The following VIPR2 variants were observed in gnomAD, a reference collection of about 807,000 sequenced individuals.
The protein encoded by VIPR2 is vasoactive intestinal peptide receptor 2, also known as vasoactive intestinal polypeptide receptor 2.
In VIPR2, 48 loss-of-function variants were observed where a neutral mutation model predicts 58.0. The ratio of observed to expected loss-of-function variants is 0.83; its 90% confidence interval spans 0.66 to 1.05. VIPR2 has a LOEUF of 1.05. Among genes scored for constraint, VIPR2 ranks in the 50% least tolerant of loss-of-function variants. The pLI, the probability that VIPR2 is intolerant of heterozygous loss-of-function variation, is 0.00. For synonymous variants in VIPR2, 243 were observed against 235.2 expected (o/e 1.03, Z -0.30); for missense variants, 534 against 558.0 (o/e 0.96, Z 0.43).
intron 2 of VIPR2, among the ~76,000 whole-genome samples, chr7:159,141,962 C>A (rs981656818): frequency 6.6e-6 from 1 of 152,188 alleles, no homozygotes; most frequent in African/African-American, 2.4e-5. Context: ...CCGGAGAAGG[C>A]GATCTGCACG....
chr7:159,054,000 G>T (rs1322099568), intron 5 of VIPR2, among the ~76,000 whole-genome samples: 2 of 152,214 alleles, frequency 1.3e-5, no homozygotes, highest in African/African-American at 4.8e-5. Flanking sequence ...TAAAGGCAGG[G>T]TAATTATAAT....
chr7:159,058,346 A>C (rs2129493998), intron 5 of VIPR2, 135 bp downstream of exon 5: 1 of 703,256 alleles, frequency 1.4e-6, no homozygotes, highest in African/African-American at 1.8e-5. Context: ...CATCATATTT[A>C]ATGGCAGCAT....
chr7:159,116,409 C>T (rs189333896), intron 2 of VIPR2, among the ~76,000 whole-genome samples: 119 of 152,180 alleles, frequency 7.8e-4, no homozygotes, highest in African/African-American at 2.6e-3. Flanking sequence ...GGTCAGTGCC[C>T]GCATGGTCAG....
chr7:159,114,555 A>G (rs995219101), intron 2 of VIPR2, among the ~76,000 whole-genome samples: 2 of 152,174 alleles, frequency 1.3e-5, no homozygotes, highest in African/African-American at 4.8e-5. Flanking sequence ...TACTTGGTAA[A>G]ATTCAGTGGC....
In VIPR2 at chr7:159,097,696, C is replaced by A. The variant is rs796791009; in HGVS notation, c.357+6061G>T. Reference sequence around the variant, plus strand: ...ACGTATGCTTTTCAGTGCCTTGTTTCAAGAAACAGGCTTGAAGAGGCACCT... The same window carrying A: ...ACGTATGCTTTTCAGTGCCTTGTTTAAAGAAACAGGCTTGAAGAGGCACCT... On this transcript the variant is annotated intron_variant, in intron 4 of 12. Transcript: ENST00000262178. This position sits in a 1 kb window ranked among gnomAD's most constrained non-coding sequence, Gnocchi z 5.3. Among the ~76,000 whole-genome samples, 12 of 152,324 alleles carry A rather than the reference C, an allele frequency of 7.9e-5. No individual in the cohort carries two copies. Among genetic ancestry groups the A allele is most frequent in the African/African-American group, 2.9e-4 (12 of 41,568 alleles).
At chr7:159,036,635 T>C (rs974007594) in intron 7 of VIPR2, 117 bp downstream of exon 7, 4 of 1,293,926 alleles carry the variant, frequency 3.1e-6, no homozygotes, top group African/African-American at 3.0e-5. Flanking sequence ...CTTCATGATA[T>C]GACCCTGACA....
intron 5 of VIPR2, among the ~76,000 whole-genome samples, chr7:159,049,606 A>G (rs1419598912): frequency 3.3e-5 from 5 of 152,242 alleles, no homozygotes; most frequent in Non-Finnish European, 5.9e-5. Context: ...CAGGAAAGGA[A>G]ATAGAGGCTG....
At chr7:159,113,417 T>C (rs1350974056) in intron 2 of VIPR2, among the ~76,000 whole-genome samples, 2 of 152,048 alleles carry the variant, frequency 1.3e-5, no homozygotes, top group East Asian at 1.9e-4. Context: ...GGGACAAAAA[T>C]TGTGCACCTG....
chr7:159,093,354 C>T lies in VIPR2; in HGVS notation c.357+10403G>A, dbSNP rs375518856. Among the ~76,000 whole-genome samples, 2 of 152,158 alleles carry T rather than the reference C, an allele frequency of 1.3e-5. No homozygotes were observed. The highest frequency in any genetic ancestry group is 2.9e-5 in the Non-Finnish European group (2 of 68,038). Reference sequence around the variant, plus strand: ...AGGGAAATGGGAAACTCAGACCAACCGTGTTTTAAGAAGCGTCCTTTAGTA... The same window carrying T: ...AGGGAAATGGGAAACTCAGACCAACTGTGTTTTAAGAAGCGTCCTTTAGTA... On this transcript the variant is annotated intron_variant, in intron 4 of 12. Coordinates refer to ENST00000262178, the MANE Select transcript of VIPR2 (RefSeq NM_003382.5). The surrounding 1 kb of genome is among the most constrained non-coding windows in gnomAD (Gnocchi z 6.7).
intron 4 of VIPR2, among the ~76,000 whole-genome samples, chr7:159,086,640 C>G (rs1385593896): frequency 1.3e-5 from 2 of 152,234 alleles, no homozygotes; most frequent in African/African-American, 4.8e-5. Context: ...CATGGGCCAC[C>G]TGGGTGTGAC....
chr7:159,119,357 G>A (rs1467505526), intron 2 of VIPR2, among the ~76,000 whole-genome samples: 1 of 152,214 alleles, frequency 6.6e-6, no homozygotes, highest in Non-Finnish European at 1.5e-5. Context: ...GGTAGAGCTG[G>A]GTGCACGGGG....
At position 159,109,855 on chromosome 7, in the gene VIPR2, C is replaced by T. The variant is rs199793974; in HGVS notation, c.216G>A (p.Thr72=). ...WRPANVGETV[T]VPCPKVFSNF... ...TGCTGAAGACTTTTGGGCAGGGCAC[C>T]GTGACGGTCTCTCCCACATTGGCAG... The change falls in exon 3 of 13, where the codon ACG becomes ACA. Residue 72 remains threonine (T), a synonymous_variant. Transcript: ENST00000262178. The T allele has an allele frequency of 5.1e-4, 828 of 1,614,176 alleles. 4 individuals carry two copies. The highest frequency in any genetic ancestry group is 4.4e-3 in the South Asian group (398 of 91,082).
In VIPR2 at chr7:159,098,251, C is replaced by A. The variant is rs1857986007; in HGVS notation, c.357+5506G>T. On this transcript the variant is annotated intron_variant, in intron 4 of 12. Coordinates refer to ENST00000262178, the MANE Select transcript of VIPR2 (RefSeq NM_003382.5). The surrounding 1 kb of genome is among the most constrained non-coding windows in gnomAD (Gnocchi z 5.2). The stretch of plus-strand genomic sequence containing the variant: ...CCCAGCACACGGCTCGGGGAGCCTC[C>A]CACACTTGGTGATCCCGAGCCCTCA... 6.6e-6 allele frequency among the ~76,000 whole-genome samples: 1 copy of A among 152,174 alleles called. No homozygotes were observed. The highest frequency in any genetic ancestry group is 1.5e-5 in the Non-Finnish European group (1 of 68,014).
intron 2 of VIPR2, among the ~76,000 whole-genome samples, chr7:159,140,409 C>T (rs1797415915): frequency 6.6e-6 from 1 of 152,190 alleles, no homozygotes; most frequent in Non-Finnish European, 1.5e-5. Flanking sequence ...TATTTACATC[C>T]CTGGCATTTG....
intron 4 of VIPR2, among the ~76,000 whole-genome samples, chr7:159,071,978 A>G (rs1358896060): frequency 1.4e-5 from 2 of 143,914 alleles, no homozygotes; most frequent in African/African-American, 5.2e-5. Flanking sequence ...GGAACCCTGC[A>G]GCACCTGCTG....
chr7:159,083,863 A>AG (rs910616278), intron 4 of VIPR2, among the ~76,000 whole-genome samples: 3 of 152,250 alleles, frequency 2.0e-5, no homozygotes, highest in African/African-American at 7.2e-5. Flanking sequence ...GGGCTAGGCC[A>AG]GGGGGCTCCT....
At chr7:159,066,410 A>G (rs777136369) in intron 4 of VIPR2, among the ~76,000 whole-genome samples, 99 of 125,824 alleles carry the variant, frequency 7.9e-4, no homozygotes, top group African/African-American at 2.9e-3. Context: ...GCAGCGTCCA[A>G]GGGATTCCAG....
intron 2 of VIPR2, among the ~76,000 whole-genome samples, chr7:159,133,515 A>G (rs1797073210): frequency 6.6e-6 from 1 of 152,296 alleles, no homozygotes; most frequent in African/African-American, 2.4e-5. Context: ...ATGTATTAAC[A>G]AAAGACTTTG....
Position 159,034,627 on chromosome 7 carries a change from C to T in VIPR2, c.833G>A (p.Ser278Asn). 3 of 1,614,044 alleles carry T rather than the reference C, an allele frequency of 1.9e-6. No homozygotes were observed. The highest frequency in any genetic ancestry group is 2.2e-5 in the East Asian group (1 of 44,866). Residue 278 changes from serine to asparagine, a missense_variant, in exon 9 of 13, where the codon AGT becomes AAT. Ser to Asn is a conservative substitution (Grantham distance 46). Around this residue, in one of 3 missense-constraint regions of VIPR2, gnomAD observed 306 missense variants for 285.8 expected, o/e 1.07. Transcript: ENST00000262178. ...DTGCWDTNDH[S>N]VPWWVIRIPI... ...TATTCGTATGACCCACCAGGGCACA[C>T]TGTGGTCGTTTGTATCCCAGCAACT...
Sources: gnomAD v4.1 joint callset for allele counts (sites outside exome capture counted in the v4.1 genomes callset) on GRCh38, gnomAD v4.1.1 for gene constraint, gnomAD v4.1.1 regional missense constraint, Gnocchi (gnomAD v3.1) non-coding constraint, MANE v1.5 for transcripts, NCBI Gene and HGNC (gene_info 2026-07-23, HGNC 2026-07-21) for gene names.